ARL15: variants seen among roughly 807,000 people sequenced by gnomAD.
ARL15 encodes the protein ADP-ribosylation factor-like protein 15.
ARL15 carries 19 observed loss-of-function variants against 25.2 expected under a neutral mutation model. The ratio of observed to expected loss-of-function variants is 0.75; its 90% CI spans 0.53 to 1.10. The LOEUF (loss-of-function observed/expected upper bound fraction) is 1.10. Among genes scored for constraint, ARL15 ranks in the 50% least tolerant of loss-of-function variants. ARL15 has a pLI of 0.00. For missense variants in ARL15, 220 were observed against 246.0 expected (o/e 0.89, Z 0.71); for synonymous variants, 94 against 86.8 (o/e 1.08, Z -0.46).
intron 4 of ARL15, among the ~76,000 whole-genome samples, chr5:53,914,231 G>T (rs192196160): frequency 4.0e-5 from 6 of 151,796 alleles, no homozygotes; most frequent in Admixed American, 3.9e-4. Context: ...CTTCTCTGAG[G>T]AAAGCTTGGT....
intron 4 of ARL15, among the ~76,000 whole-genome samples, chr5:53,946,836 A>T (rs1442486104): frequency 1.3e-5 from 2 of 152,220 alleles, no homozygotes; most frequent in African/African-American, 4.8e-5. Flanking sequence ...CAGAAAAGCA[A>T]ATCAGAACTC....
At chr5:54,031,685 A>C (rs1314926073) in intron 4 of ARL15, among the ~76,000 whole-genome samples, 1 of 152,092 alleles carries the variant, frequency 6.6e-6, no homozygotes, top group African/African-American at 2.4e-5. Flanking sequence ...AAAATATACC[A>C]CCATTCATGG....
At chr5:54,095,036 A>G (rs1440628578) in intron 4 of ARL15, among the ~76,000 whole-genome samples, 1 of 152,206 alleles carries the variant, frequency 6.6e-6, no homozygotes, top group African/African-American at 2.4e-5. Context: ...TTGAGAACTA[A>G]GATATATTTT....
At chr5:54,003,433 T>C (rs1270689182) in intron 4 of ARL15, among the ~76,000 whole-genome samples, 1 of 152,230 alleles carries the variant, frequency 6.6e-6, no homozygotes, top group African/African-American at 2.4e-5. Flanking sequence ...TGGATTTTTA[T>C]AGATAGGAGT....
chr5:54,060,301 T>C (rs1186841656), intron 4 of ARL15, among the ~76,000 whole-genome samples: 19 of 152,070 alleles, frequency 1.2e-4, no homozygotes. Context: ...TGGTGGTGCA[T>C]TCCTGTAATC....
At chr5:53,936,397 T>C (rs1325087281) in intron 4 of ARL15, among the ~76,000 whole-genome samples, 2 of 152,166 alleles carry the variant, frequency 1.3e-5, no homozygotes, top group African/African-American at 4.8e-5. Context: ...TAAAACTGAG[T>C]TTTTAAACCC....
chr5:54,310,261 G>A lies in ARL15; in HGVS notation c.48+171C>T. The A allele has an allele frequency of 4.3e-6, 3 of 698,926 alleles. No individual in the cohort carries two copies. In the South Asian group the frequency reaches 6.8e-5, roughly 16 times the overall value. 43.3% of individuals were successfully genotyped at this position (698,926 alleles called of 1,614,324 possible). A position where few individuals can be genotyped will look rare whatever the true frequency, so the allele number is the denominator to read the frequency against. On this transcript the variant is annotated intron_variant, in intron 1 of 4. Coordinates refer to ENST00000504924, the MANE Select transcript of ARL15 (RefSeq NM_019087.3). Reference sequence around the variant, plus strand: ...TCAGCTCCACCACCCACCCGCCCTGGAGGCTGCCCCTCCGAGTCCAGGGAA... The same window carrying A: ...TCAGCTCCACCACCCACCCGCCCTGAAGGCTGCCCCTCCGAGTCCAGGGAA...
At chr5:54,282,125 G>C (rs180886549) in intron 1 of ARL15, 1 of 381,436 alleles carries the variant, frequency 2.6e-6, no homozygotes, top group African/African-American at 2.2e-5. Context: ...CTCATGTTCA[G>C]CTTTATTGCT....
chr5:54,232,372 C>T (rs1322244467), intron 1 of ARL15, among the ~76,000 whole-genome samples: 2 of 152,120 alleles, frequency 1.3e-5, no homozygotes, highest in African/African-American at 4.8e-5. Flanking sequence ...TTGTCAAATG[C>T]CATTCTCAAA....
At chr5:53,959,993 G>T (rs1274129703) in intron 4 of ARL15, among the ~76,000 whole-genome samples, 1 of 151,928 alleles carries the variant, frequency 6.6e-6, no homozygotes, top group Non-Finnish European at 1.5e-5. Context: ...GTAGATGCTT[G>T]GTAAATATTT....
intron 1 of ARL15, among the ~76,000 whole-genome samples, chr5:54,299,584 CT>C (rs752417066): frequency 0.019 from 1,495 of 79,432 alleles, 1 homozygote; most frequent in South Asian, 0.038. Flanking sequence ...TAGCTATTAG[CT>C]TTTTTTTTTT....
At chr5:54,088,036 G>A (rs1432680762) in intron 4 of ARL15, among the ~76,000 whole-genome samples, 3 of 152,142 alleles carry the variant, frequency 2.0e-5, no homozygotes, top group Admixed American at 6.5e-5. Flanking sequence ...CTGATTGATT[G>A]TACAGTTACA....
At chr5:54,035,228 T>C (rs1269893624) in intron 4 of ARL15, among the ~76,000 whole-genome samples, 1 of 152,184 alleles carries the variant, frequency 6.6e-6, no homozygotes, top group Non-Finnish European at 1.5e-5. Context: ...CACAAGTTTG[T>C]TAAACTCACA....
chr5:53,907,473 TA>T (rs1745285556), intron 4 of ARL15, among the ~76,000 whole-genome samples: 4 of 27,690 alleles, frequency 1.4e-4, no homozygotes, highest in Non-Finnish European at 2.3e-4. Context: ...TATATATATA[TA>T]TATATATATA....
At chr5:53,906,794 GT>G (rs1262403385) in intron 4 of ARL15, among the ~76,000 whole-genome samples, 2 of 152,120 alleles carry the variant, frequency 1.3e-5, no homozygotes, top group African/African-American at 4.8e-5. Flanking sequence ...CATCATAGAT[GT>G]TTAAAAATAT....
chr5:53,984,675 G>T (rs1478199396), intron 4 of ARL15, among the ~76,000 whole-genome samples: 3 of 151,800 alleles, frequency 2.0e-5, no homozygotes, highest in Non-Finnish European at 4.4e-5. Flanking sequence ...TTCATTTCCA[G>T]CCAAATACAT....
In ARL15 at chr5:54,289,362, GA is replaced by G. The variant is rs754153985; in HGVS notation, c.48+21069del. Among the ~76,000 whole-genome samples the G allele has an allele frequency of 6.4e-3, 786 of 123,394 alleles. 6 individuals carry two copies. The highest frequency in any genetic ancestry group is 0.016 in the African/African-American group (539 of 34,126). The allele number at this position is 123,394 out of a possible 152,430, so 81.0% of individuals were successfully genotyped here. ...CTTAGATGGTGACAAGTCCTATGAA[GA>G]AAAAAAAAAAAAAGAGAGAATGTGC... On this transcript the variant is annotated intron_variant, in intron 1 of 4. Transcript: ENST00000504924.
At chr5:54,014,369 T>C (rs977505651) in intron 4 of ARL15, among the ~76,000 whole-genome samples, 11 of 152,118 alleles carry the variant, frequency 7.2e-5, no homozygotes, top group Non-Finnish European at 1.5e-5. Context: ...AGACCAAGAA[T>C]GTAAGGACAC....
intron 4 of ARL15, among the ~76,000 whole-genome samples, chr5:54,032,181 A>C (rs1431698506): frequency 2.6e-5 from 4 of 151,772 alleles, no homozygotes; most frequent in Non-Finnish European, 5.9e-5. Context: ...TGGCTTTTAA[A>C]TTTTTCTTAG....
Sources: allele counts gnomAD v4.1 joint callset (sites outside exome capture counted in the v4.1 genomes callset), GRCh38; gene constraint gnomAD v4.1.1; transcripts MANE v1.5; gene names NCBI Gene and HGNC (gene_info 2026-07-23, HGNC 2026-07-21).